Variants in SLC22A23 observed in about 807,000 individuals in gnomAD.
The protein encoded by SLC22A23 is solute carrier family 22 member 23, also known as ion transporter protein.
In SLC22A23, 26 loss-of-function variants were observed where a neutral mutation model predicts 61.0. The ratio of observed to expected loss-of-function variants is 0.43; its 90% CI spans 0.31 to 0.59. SLC22A23 has a LOEUF of 0.59. Among genes scored for constraint, SLC22A23 ranks in the 20% least tolerant of loss-of-function variants. The probability of loss-of-function intolerance (pLI) is 0.11; values close to 1 mark genes in which losing one functional copy is unlikely to be tolerated. For synonymous variants in SLC22A23, 430 were observed against 413.9 expected (o/e 1.04, Z -0.47); for missense variants, 796 against 934.7 (o/e 0.85, Z 1.94).
intron 3 of SLC22A23, among the ~76,000 whole-genome samples, chr6:3,381,891 T>C (rs1766976990): frequency 6.6e-6 from 1 of 152,178 alleles, no homozygotes; most frequent in Non-Finnish European, 1.5e-5. Context: ...GAGACAGGCA[T>C]GCACCCTGCT....
At chr6:3,296,341 C>G (rs1761092526) in intron 5 of SLC22A23, among the ~76,000 whole-genome samples, 1 of 152,226 alleles carries the variant, frequency 6.6e-6, no homozygotes, top group South Asian at 2.1e-4. Context: ...CTTTGCACCC[C>G]TGCTGGACAA....
At position 3,272,355 on chromosome 6, in the gene SLC22A23, T is replaced by C. The variant is rs977149907; in HGVS notation, c.*700A>G. The C allele has an allele frequency of 7.2e-5, 11 of 152,702 alleles. No individual in the cohort carries two copies. Among genetic ancestry groups the C allele is most frequent in the Non-Finnish European group, 1.6e-4 (11 of 68,030 alleles). The allele number at this position is 152,702 out of a possible 1,614,324, so 9.5% of individuals were successfully genotyped here. On this transcript the variant is annotated 3_prime_UTR_variant, in exon 10 of 10. Coordinates refer to ENST00000406686, the MANE Select transcript of SLC22A23 (RefSeq NM_015482.2). ...CGATATGACTGCTGCTCAATTAAGA[T>C]TTCTGGTGAAATGTTTAAGCTTTTT... is the stretch of plus-strand genomic sequence containing the variant.
chr6:3,316,283 C>T (rs530822148), intron 4 of SLC22A23, among the ~76,000 whole-genome samples: 1 of 152,346 alleles, frequency 6.6e-6, no homozygotes, highest in South Asian at 2.1e-4. Context: ...ACTCCACCAA[C>T]CTCTGGTTCC....
intron 4 of SLC22A23, among the ~76,000 whole-genome samples, chr6:3,299,334 A>C (rs1761409803): frequency 6.6e-6 from 1 of 152,206 alleles, no homozygotes; most frequent in African/African-American, 2.4e-5. Context: ...TTAAAAAATT[A>C]CTTCCAAATA....
At chr6:3,420,434 A>G (rs1258799728) in intron 1 of SLC22A23, among the ~76,000 whole-genome samples, 2 of 152,152 alleles carry the variant, frequency 1.3e-5, no homozygotes, top group African/African-American at 4.8e-5. Flanking sequence ...AAACAACCTT[A>G]TTTTCCACAG....
intron 3 of SLC22A23, among the ~76,000 whole-genome samples, chr6:3,376,550 T>C (rs755831925): frequency 4.6e-5 from 7 of 152,194 alleles, no homozygotes; most frequent in Non-Finnish European, 1.0e-4. Flanking sequence ...ATAGGGAGAC[T>C]TTCCTATCTT....
At chr6:3,287,849 A>C (rs1250227845) in intron 6 of SLC22A23, among the ~76,000 whole-genome samples, 1 of 151,918 alleles carries the variant, frequency 6.6e-6, no homozygotes, top group African/African-American at 2.4e-5. Context: ...ATGCCCAGCT[A>C]ATTTTTGTAT....
chr6:3,328,524 C>T lies in SLC22A23; in HGVS notation c.914-4522G>A, dbSNP rs1002050426. The stretch of plus-strand genomic sequence containing the variant: ...TAGGCATTTGCTCAAACAGGAACCC[C>T]GGTGCTGCCAGGAGAGAGCTGACTT... On this transcript the variant is annotated intron_variant, in intron 3 of 9. Coordinates refer to ENST00000406686, the MANE Select transcript of SLC22A23 (RefSeq NM_015482.2). This position sits in a 1 kb window ranked among gnomAD's most constrained non-coding sequence, Gnocchi z 5.0. Among the ~76,000 whole-genome samples the T allele has an allele frequency of 3.9e-5, 6 of 152,062 alleles. No homozygotes were observed. The highest frequency in any genetic ancestry group is 7.2e-5 in the African/African-American group (3 of 41,386).
In SLC22A23 at chr6:3,349,212, G is replaced by C. The variant is rs936283054; in HGVS notation, c.914-25210C>G. On this transcript the variant is annotated intron_variant, in intron 3 of 9. Transcript: ENST00000406686. The stretch of plus-strand genomic sequence containing the variant: ...CCCTGCCAAAGCCTGCAGAACCCTC[G>C]AGGAAGCCTGCCCTAGCCACCAAGC... Among the ~76,000 whole-genome samples the C allele has an allele frequency of 2.6e-5, 4 of 152,184 alleles. No individual in the cohort carries two copies. The East Asian group carries it at 5.8e-4, about 22-fold the overall frequency.
At chr6:3,384,586 C>T (rs958238750) in intron 3 of SLC22A23, among the ~76,000 whole-genome samples, 1 of 152,180 alleles carries the variant, frequency 6.6e-6, no homozygotes, top group Non-Finnish European at 1.5e-5. Context: ...CAAATAATTA[C>T]CACATTCTTT....
chr6:3,315,792 A>G (rs995944196), intron 4 of SLC22A23, among the ~76,000 whole-genome samples: 7 of 152,000 alleles, frequency 4.6e-5, no homozygotes, highest in Admixed American at 3.3e-4. Flanking sequence ...TGAACCCAGG[A>G]GGCAGAGCTT....
chr6:3,381,078 T>A (rs1281775942), intron 3 of SLC22A23, among the ~76,000 whole-genome samples: 2 of 152,192 alleles, frequency 1.3e-5, no homozygotes. Context: ...TGACACCACG[T>A]CCTGGGTGCT....
intron 3 of SLC22A23, among the ~76,000 whole-genome samples, chr6:3,391,320 T>C (rs1197361480): frequency 6.6e-6 from 1 of 152,244 alleles, no homozygotes; most frequent in South Asian, 2.1e-4. Flanking sequence ...TGTTCGGGCA[T>C]CCACGCCAAA....
At chr6:3,358,170 CA>C (rs1765228017) in intron 3 of SLC22A23, among the ~76,000 whole-genome samples, 1 of 152,090 alleles carries the variant, frequency 6.6e-6, no homozygotes, top group African/African-American at 2.4e-5. Flanking sequence ...GGCAGTTCCT[CA>C]AAAAACTAAA....
At chr6:3,433,572 G>C (rs2127542268) in intron 1 of SLC22A23, among the ~76,000 whole-genome samples, 1 of 152,332 alleles carries the variant, frequency 6.6e-6, no homozygotes, top group Admixed American at 6.5e-5. Flanking sequence ...CAGAGGGGTA[G>C]CCAGGAGTGG....
At chr6:3,340,971 A>G (rs1764120218) in intron 3 of SLC22A23, among the ~76,000 whole-genome samples, 1 of 152,240 alleles carries the variant, frequency 6.6e-6, no homozygotes, top group African/African-American at 2.4e-5. Flanking sequence ...AACCTTTGGC[A>G]TTCCCATCAC....
intron 1 of SLC22A23, chr6:3,439,333 T>C (rs558169580): frequency 1.1e-5 from 5 of 447,692 alleles, no homozygotes; most frequent in East Asian, 1.4e-4. Flanking sequence ...TTTTAAACGA[T>C]GGATGCTGGG....
rs77213956 is a variant in SLC22A23, at chr6:3,359,457, C to T, written c.914-35455G>A. On this transcript the variant is annotated intron_variant, in intron 3 of 9. Transcript: ENST00000406686. ...GAAAGATGCTCAACGTCACTGTCAT[C>T]GGGGAAATGTACATCACAGCGACAA... Among the ~76,000 whole-genome samples the T allele has an allele frequency of 5.0e-3, 766 of 152,268 alleles. 8 individuals carry two copies. Among genetic ancestry groups the T allele is most frequent in the African/African-American group, 0.017 (693 of 41,534 alleles).
chr6:3,383,567 G>T (rs182161554), intron 3 of SLC22A23, among the ~76,000 whole-genome samples: 38 of 152,360 alleles, frequency 2.5e-4, no homozygotes, highest in African/African-American at 9.1e-4. Flanking sequence ...GAGTGCTACA[G>T]GCACACGGAG....
Sources: allele counts gnomAD v4.1 joint callset (sites outside exome capture counted in the v4.1 genomes callset), GRCh38; gene constraint gnomAD v4.1.1; non-coding constraint Gnocchi (gnomAD v3.1); transcripts MANE v1.5; gene names NCBI Gene and HGNC (gene_info 2026-07-23, HGNC 2026-07-21).